HIVEP1: variants seen among roughly 807,000 people sequenced by gnomAD.
HIVEP1 encodes HIVEP zinc finger 1.
A neutral mutation model predicts 180.0 loss-of-function variants in HIVEP1; 36 were observed. The observed-to-expected ratio is 0.20, with a 90% CI of 0.15 to 0.26. The LOEUF is 0.26. HIVEP1 is among the 10% of genes least tolerant of loss of function. HIVEP1 has a pLI of 1.00. For synonymous variants in HIVEP1, 1,239 were observed against 1,239.0 expected, an observed-to-expected ratio of 1.00 and a Z score of 0.00; for missense variants, 3,143 against 3,268.7, an observed-to-expected ratio of 0.96 and a Z score of 0.94.
chr6:12,115,350 CTTTTTTTTTTTTTTTTTTT>C (rs34074662), intron 3 of HIVEP1, among the ~76,000 whole-genome samples: 2 of 75,296 alleles, frequency 2.7e-5, no homozygotes, highest in Admixed American at 3.9e-4. Context: ...CCCAACTATT[CTTTTTTTTTTTTTTTTTTT>C]TTTTTTTTAA....
At chr6:12,111,386 G>A (rs1159219757) in intron 3 of HIVEP1, among the ~76,000 whole-genome samples, 2 of 152,254 alleles carry the variant, frequency 1.3e-5, no homozygotes, top group Non-Finnish European at 2.9e-5. Flanking sequence ...AAACTTAGCA[G>A]TTGACACAGT....
At chr6:12,064,875 G>A (rs1771466555) in intron 2 of HIVEP1, among the ~76,000 whole-genome samples, 1 of 152,184 alleles carries the variant, frequency 6.6e-6, no homozygotes, top group African/African-American at 2.4e-5. Context: ...CCTTCATGAA[G>A]CAGTCAAGAC....
rs748185234 is a variant in HIVEP1, at chr6:12,123,649, G to A, written c.3854G>A (p.Arg1285His). The A allele has an allele frequency of 8.7e-6, 14 of 1,614,070 alleles. No homozygotes were observed. Among genetic ancestry groups the A allele is most frequent in the South Asian group, 6.6e-5 (6 of 91,076 alleles). ...EKLPPKKKRLRLAEIEHSSTE... is the reference protein window; with the variant it reads ...EKLPPKKKRLHLAEIEHSSTE... ...CTGCCACCCAAAAAGAAAAGGCTCC[G>A]TCTGGCTGAGATAGAACATTCCTCA... Residue 1285 changes from arginine (R) to histidine (H), a missense_variant, in exon 4 of 9, where the codon CGT (arginine) becomes CAT (histidine). Coordinates refer to ENST00000379388, the MANE Select transcript of HIVEP1 (RefSeq NM_002114.4).
upstream of HIVEP1, chr6:12,008,212 T>A (rs543709651): frequency 2.8e-4 from 43 of 152,318 alleles, 1 homozygote; most frequent in African/African-American, 9.9e-4. Flanking sequence ...CATAAGGGAA[T>A]TTATGGTGTA....
intron 2 of HIVEP1, among the ~76,000 whole-genome samples, chr6:12,056,575 T>G (rs972777507): frequency 6.6e-6 from 1 of 152,202 alleles, no homozygotes; most frequent in Non-Finnish European, 1.5e-5. Flanking sequence ...CTAATTAGAT[T>G]ATCATATCAG....
At chr6:12,162,422 CAAG>C (rs1221311296) in intron 8 of HIVEP1, among the ~76,000 whole-genome samples, 1 of 152,188 alleles carries the variant, frequency 6.6e-6, no homozygotes, top group Non-Finnish European at 1.5e-5. Context: ...GAAAACACAT[CAAG>C]AAGTTCACTT....
chr6:12,196,029 G>A, the HIVEP1 span, among the ~76,000 whole-genome samples: 2 of 152,300 alleles, frequency 1.3e-5, no homozygotes, highest in East Asian at 1.9e-4. Context: ...TGCAACTAAG[G>A]CTAGATGACA....
At chr6:12,188,154 ATTAG>A in the HIVEP1 span, among the ~76,000 whole-genome samples, 161 of 152,354 alleles carry the variant, frequency 1.1e-3, no homozygotes, top group Middle Eastern at 0.01. Flanking sequence ...TAAATAAGAT[ATTAG>A]TTAATCAAAC....
intron 2 of HIVEP1, among the ~76,000 whole-genome samples, chr6:12,033,479 C>T (rs907714671): frequency 1.3e-5 from 2 of 152,104 alleles, no homozygotes; most frequent in African/African-American, 2.4e-5. Context: ...TACTGAGAAA[C>T]GTTCTTGAAC....
chr6:12,091,630 C>T (rs1003845433), intron 3 of HIVEP1, among the ~76,000 whole-genome samples: 1 of 152,054 alleles, frequency 6.6e-6, no homozygotes, highest in African/African-American at 2.4e-5. Context: ...CTGACTTTGC[C>T]TATCATACAC....
intron 3 of HIVEP1, among the ~76,000 whole-genome samples, chr6:12,118,016 A>G (rs1308976686): frequency 2.0e-5 from 3 of 152,160 alleles, no homozygotes; most frequent in African/African-American, 7.2e-5. Flanking sequence ...GGAAAACATC[A>G]TTTCATGAGT....
chr6:12,209,719 T>C, the HIVEP1 span, among the ~76,000 whole-genome samples: 1 of 152,236 alleles, frequency 6.6e-6, no homozygotes, highest in African/African-American at 2.4e-5. Context: ...GTGTATTGGT[T>C]CATTATACAT....
At position 12,124,624 on chromosome 6, in the gene HIVEP1, C is replaced by T. The variant is rs747339844; in HGVS notation, c.4829C>T (p.Ser1610Phe). 5.6e-6 allele frequency: 9 copies of T among 1,614,064 alleles called. No homozygotes were observed. The African/African-American group carries it at 8.0e-5, about 14-fold the overall frequency. Reference protein sequence around the residue: ...TLPTKLIDSMSNSHPLLPPEL... With the variant: ...TLPTKLIDSMFNSHPLLPPEL... ...CCAACCAAATTAATTGACAGCATGT[C>T]TAATTCGCATCCTCTGCTACCACCA... Residue 1610 changes from serine (S) to phenylalanine (F), a missense_variant, in exon 4 of 9, where the codon TCT becomes TTT. Coordinates refer to ENST00000379388, the MANE Select transcript of HIVEP1 (RefSeq NM_002114.4).
intron 2 of HIVEP1, among the ~76,000 whole-genome samples, chr6:12,025,759 G>A (rs1768540511): frequency 6.6e-6 from 1 of 152,244 alleles, no homozygotes; most frequent in South Asian, 2.1e-4. Flanking sequence ...ACCATCGTTG[G>A]CCAAGCTCGA....
At chr6:12,137,544 A>G (rs1758770209) in intron 7 of HIVEP1, among the ~76,000 whole-genome samples, 1 of 151,978 alleles carries the variant, frequency 6.6e-6, no homozygotes, top group Non-Finnish European at 1.5e-5. Context: ...TAAACAGCGT[A>G]GTTTTACCTT....
At chr6:12,127,880 GAGAGTTGAGT>G (rs1324257348) in intron 4 of HIVEP1, among the ~76,000 whole-genome samples, 3 of 152,318 alleles carry the variant, frequency 2.0e-5, no homozygotes, top group Admixed American at 6.5e-5. Context: ...CAGATCACTG[GAGAGTTGAGT>G]CTATGAGCAA....
At chr6:12,014,812 A>AT (rs1767629851) in intron 1 of HIVEP1, among the ~76,000 whole-genome samples, 1 of 152,188 alleles carries the variant, frequency 6.6e-6, no homozygotes, top group African/African-American at 2.4e-5. Flanking sequence ...ATAACTCTCA[A>AT]ACCTCACTTA....
At position 12,120,050 on chromosome 6, in the gene HIVEP1, C is replaced by T. The variant is rs749460682; in HGVS notation, c.255C>T (p.Ala85=). 4.3e-6 allele frequency: 7 copies of T among 1,612,808 alleles called. No homozygotes were observed. The highest frequency in any genetic ancestry group is 2.7e-5 in the African/African-American group (2 of 74,760). Residue 85 remains alanine, a synonymous_variant, in exon 4 of 9, where the codon GCC becomes GCT. Coordinates refer to ENST00000379388, the MANE Select transcript of HIVEP1 (RefSeq NM_002114.4). ...AAAATACAGAAGAGTCATCTTTCGC[C>T]GTTCTTCATAGTGCTTCGGAGTCTC... ...HKQNTEESSF[A]VLHSASESHK...
At chr6:12,092,058 A>G (rs184943263) in intron 3 of HIVEP1, among the ~76,000 whole-genome samples, 9 of 152,314 alleles carry the variant, frequency 5.9e-5, no homozygotes, top group Middle Eastern at 3.4e-3. Context: ...TATGTAGCAT[A>G]TTAAATTACA....
Sources: allele counts gnomAD v4.1 joint callset (sites outside exome capture counted in the v4.1 genomes callset), GRCh38; gene constraint gnomAD v4.1.1; transcripts MANE v1.5; gene names NCBI Gene and HGNC (gene_info 2026-07-23, HGNC 2026-07-21).